Variants in DST observed in about 807,000 individuals in gnomAD.
The protein encoded by DST is bullous pemphigoid antigen.
Under a neutral mutation model 875.2 loss-of-function variants are expected in DST, and 253 were observed. The observed-to-expected ratio is 0.29, with a 90% CI of 0.26 to 0.32. The LOEUF (loss-of-function observed/expected upper bound fraction) is 0.32, where lower values mean the gene tolerates loss of function less well. Ranked by LOEUF, DST falls within the 10% of genes least tolerant of loss-of-function variation. DST has a pLI of 1.00. For missense variants in DST, 8,287 were observed against 9,111.6 expected, an observed-to-expected ratio of 0.91 and a Z score of 3.68; for synonymous variants, 3,124 against 3,197.1, an observed-to-expected ratio of 0.98 and a Z score of 0.77.
intron 4 of DST, among the ~76,000 whole-genome samples, chr6:56,750,310 T>C (rs566698814): frequency 2.0e-5 from 3 of 152,166 alleles, no homozygotes; most frequent in South Asian, 2.1e-4. Context: ...CTCAACTTTC[T>C]GTATCGTTCC....
intron 10 of DST, among the ~76,000 whole-genome samples, chr6:56,653,625 C>A (rs756112806): frequency 5.3e-5 from 8 of 152,114 alleles, no homozygotes; most frequent in Non-Finnish European, 8.8e-5. Context: ...GCAGAGGTTG[C>A]AGTGAGCCGA....
At chr6:56,666,922 T>C (rs2099075090) in intron 10 of DST, among the ~76,000 whole-genome samples, 1 of 151,496 alleles carries the variant, frequency 6.6e-6, no homozygotes, top group Non-Finnish European at 1.5e-5. Flanking sequence ...AGTCTAAAGC[T>C]GTACTAACAG....
chr6:56,746,239 G>A (rs1480458192), intron 4 of DST, among the ~76,000 whole-genome samples: 3 of 152,090 alleles, frequency 2.0e-5, no homozygotes, highest in African/African-American at 7.2e-5. Flanking sequence ...TTTAGCCTTG[G>A]CTTCCCAAAG....
At chr6:56,875,418 T>C (rs1023194092) in intron 3 of DST, among the ~76,000 whole-genome samples, 1 of 152,238 alleles carries the variant, frequency 6.6e-6, no homozygotes, top group Non-Finnish European at 1.5e-5. Context: ...ATTTGAAAAA[T>C]ATATTTTGTT....
At chr6:56,579,763 G>C (rs1465027726) in intron 49 of DST, among the ~76,000 whole-genome samples, 2 of 152,162 alleles carry the variant, frequency 1.3e-5, no homozygotes, top group African/African-American at 4.8e-5. Context: ...AAATAGGCCT[G>C]GAAAGGCTTC....
At position 56,608,760 on chromosome 6, in the gene DST, T is replaced by TGTGG. The variant is rs2098519599; in HGVS notation, c.5867_5868insCCAC (p.Gly1957HisfsTer3). The TGTGG allele has an allele frequency of 6.2e-7, 1 of 1,609,254 alleles. No individual in the cohort carries two copies. Among genetic ancestry groups the TGTGG allele is most frequent in the Admixed American group, 1.7e-5 (1 of 59,190 alleles). On this transcript the variant is annotated frameshift_variant, in exon 40 of 104. Coordinates refer to ENST00000680361, the MANE Select transcript of DST (RefSeq NM_001374736.1). LOFTEE classifies it high-confidence loss of function. The stretch of plus-strand genomic sequence containing the variant: ...TTCCACATTTTAATGTTATTCTACC[T>TGTGG]CCTTCTTGTGGTCTCACAGGTAGAA...
At chr6:56,702,398 C>G (rs909585950) in intron 7 of DST, among the ~76,000 whole-genome samples, 28 of 151,864 alleles carry the variant, frequency 1.8e-4, no homozygotes, top group Admixed American at 9.8e-4. Flanking sequence ...CACACACACA[C>G]ACACATATAT....
chr6:56,749,224 T>G (rs1166226192), intron 4 of DST, among the ~76,000 whole-genome samples: 11 of 152,006 alleles, frequency 7.2e-5, no homozygotes, highest in African/African-American at 4.8e-5. Context: ...CGTGGTGGTG[T>G]GCACCTGCAG....
At chr6:56,817,417 T>C (rs1390277903) in intron 4 of DST, among the ~76,000 whole-genome samples, 1 of 152,228 alleles carries the variant, frequency 6.6e-6, no homozygotes, top group Non-Finnish European at 1.5e-5. Flanking sequence ...TCATTAGATA[T>C]GCAGGTTGGA....
chr6:56,592,052 T>G (rs2098285096), intron 49 of DST, 130 bp downstream of exon 49: 1 of 751,364 alleles, frequency 1.3e-6, no homozygotes, highest in Non-Finnish European at 2.2e-6. Flanking sequence ...CAAAACTACC[T>G]CTGGAGGCAG....
chr6:56,754,165 G>C (rs776930971), intron 4 of DST, among the ~76,000 whole-genome samples: 4 of 152,182 alleles, frequency 2.6e-5, no homozygotes, highest in Admixed American at 1.3e-4. Flanking sequence ...CATTCCAAGT[G>C]ATCTCTGGTA....
chr6:56,614,531 TTAGC>T, intron 36 of DST, 47 bp from the exon 37 acceptor site: 1 of 1,514,470 alleles, frequency 6.6e-7, no homozygotes, highest in Non-Finnish European at 8.8e-7. Flanking sequence ...ATTAAATGAC[TTAGC>T]TATTAAACTG....
rs1028247567 is a variant in DST at position 56,852,033 on chromosome 6, C to A, written c.418-429G>T. ...GCTTAATTCATCAATGCAACTAACT[C>A]GAAGTTTCGAAAACAAAGCACAAAT... On this transcript the variant is annotated intron_variant, in intron 3 of 103. Transcript: ENST00000680361. 2.0e-5 allele frequency: 29 copies of A among 1,425,972 alleles called. No individual in the cohort carries two copies. In the Admixed American group the frequency reaches 7.3e-4, roughly 36 times the overall value. 88.3% of individuals were successfully genotyped at this position (1,425,972 alleles called of 1,614,324 possible). A position where few individuals can be genotyped will look rare whatever the true frequency, so the allele number is the denominator to read the frequency against.
rs964089012 is a variant in DST at position 56,607,660 on chromosome 6, G to A, written c.6968C>T (p.Ala2323Val). Residue 2323 changes from alanine (A) to valine (V), a missense_variant, in exon 40 of 104, where the codon GCA becomes GTA. Physicochemically the swap from Ala to Val is moderately conservative, Grantham distance 64. Coordinates refer to ENST00000680361, the MANE Select transcript of DST (RefSeq NM_001374736.1). ...TTTAGGATCAATTGATATTGTACTT[G>A]CCAGTTTTCCTGACTGAGAAAATTC... ...NSEFSQSGKL[A>V]STISIDPKVN... is the part of the protein sequence containing the mutation. The A allele has an allele frequency of 6.2e-7, 1 of 1,613,304 alleles. No homozygotes were observed. The highest frequency in any genetic ancestry group is 1.3e-5 in the African/African-American group (1 of 74,892).
At chr6:56,487,703 T>C (rs1342909162) in intron 86 of DST, among the ~76,000 whole-genome samples, 1 of 152,226 alleles carries the variant, frequency 6.6e-6, no homozygotes, top group African/African-American at 2.4e-5. Context: ...AGGGACATTG[T>C]CTTTGTAGGC....
intron 49 of DST, among the ~76,000 whole-genome samples, chr6:56,591,919 T>G (rs1320308073): frequency 6.9e-6 from 1 of 145,338 alleles, no homozygotes; most frequent in Non-Finnish European, 1.5e-5. Flanking sequence ...GAGGCGGCAG[T>G]TGCCGTGAGC....
At chr6:56,693,666 ACT>A (rs1451470985) in intron 9 of DST, among the ~76,000 whole-genome samples, 2 of 152,042 alleles carry the variant, frequency 1.3e-5, no homozygotes, top group African/African-American at 4.8e-5. Context: ...AATTTCAGAG[ACT>A]CTCTACCCTC....
At chr6:56,697,419 G>A (rs1348950212) in intron 9 of DST, among the ~76,000 whole-genome samples, 1 of 152,076 alleles carries the variant, frequency 6.6e-6, no homozygotes. Flanking sequence ...AAATTTAATT[G>A]AGCAAAAAAC....
chr6:56,711,073 T>G (rs1011434760), intron 5 of DST, among the ~76,000 whole-genome samples: 2 of 152,206 alleles, frequency 1.3e-5, no homozygotes, highest in Admixed American at 6.5e-5. Flanking sequence ...TCTTTGGACC[T>G]GATTCACTCC....
Sources: gnomAD v4.1 joint callset for allele counts (sites outside exome capture counted in the v4.1 genomes callset) on GRCh38, gnomAD v4.1.1 for gene constraint, MANE v1.5 for transcripts, NCBI Gene and HGNC (gene_info 2026-07-23, HGNC 2026-07-21) for gene names.